The following KLHL29 variants were observed in gnomAD, a reference collection of about 807,000 sequenced individuals.
The protein encoded by KLHL29 is kelch like family member 29, also known as kelch-like protein 29.
KLHL29 carries 21 observed loss-of-function variants against 80.4 expected under a neutral mutation model. That is an observed-to-expected ratio of 0.26 (90% CI 0.19 to 0.38). The LOEUF is 0.38. Ranked by LOEUF, KLHL29 falls within the 10% of genes least tolerant of loss-of-function variation. KLHL29 has a pLI of 1.00. For synonymous variants in KLHL29, 511 were observed against 526.8 expected (o/e 0.97, Z 0.41); for missense variants, 867 against 1,223.9 (o/e 0.71, Z 4.35).
intron 3 of KLHL29, among the ~76,000 whole-genome samples, chr2:23,602,287 GC>G (rs1668592336): frequency 6.6e-6 from 1 of 152,150 alleles, no homozygotes; most frequent in Admixed American, 6.5e-5. Flanking sequence ...GCACCCCCCT[GC>G]CCCAGGGCCT....
At chr2:23,703,645 G>T (rs1672530938) in intron 12 of KLHL29, 74 bp from the exon 13 acceptor site, 2 of 1,450,970 alleles carry the variant, frequency 1.4e-6, no homozygotes, top group Admixed American at 2.4e-5. Context: ...TCCCTGGAGG[G>T]TCTTCTGGGA....
rs921457729 is a variant in KLHL29 at position 23,707,697 on chromosome 2, A to T, written c.*1033A>T. Reference sequence around the variant, plus strand: ...TCAAGCTGAGGACCAGGCCAGTGGGAAGGGAAGGAGGGAGAATTAGCGTCT... The same window carrying T: ...TCAAGCTGAGGACCAGGCCAGTGGGTAGGGAAGGAGGGAGAATTAGCGTCT... On this transcript the variant is annotated 3_prime_UTR_variant, in exon 14 of 14. Coordinates refer to ENST00000486442, the MANE Select transcript of KLHL29 (RefSeq NM_052920.2). The T allele has an allele frequency of 2.6e-5, 4 of 152,248 alleles. No homozygotes were observed. The highest frequency in any genetic ancestry group is 7.2e-5 in the African/African-American group (3 of 41,432). The allele number at this position is 152,248 out of a possible 1,614,324, so 9.4% of individuals were successfully genotyped here. A position where few individuals can be genotyped will look rare whatever the true frequency, so the allele number is the denominator to read the frequency against.
At chr2:23,498,878 G>A (rs959475573) in intron 2 of KLHL29, among the ~76,000 whole-genome samples, 2 of 152,228 alleles carry the variant, frequency 1.3e-5, no homozygotes, top group African/African-American at 2.4e-5. Context: ...AAGACTGGGC[G>A]ACCTGTCACT....
In KLHL29 at chr2:23,503,381, A is replaced by G. The variant is rs575588236; in HGVS notation, c.-46+27714A>G. On this transcript the variant is annotated intron_variant, in intron 2 of 13. Coordinates refer to ENST00000486442, the MANE Select transcript of KLHL29 (RefSeq NM_052920.2). This position sits in a 1 kb window ranked among gnomAD's most constrained non-coding sequence, Gnocchi z 4.0. ...TTGTAGCCTGACCTTCCATGGCTCT[A>G]TAATTCTCTTTGTTATCTTTGGCCA... 6.6e-6 allele frequency among the ~76,000 whole-genome samples: 1 copy of G among 152,236 alleles called. No homozygotes were observed. Among genetic ancestry groups the G allele is most frequent in the Non-Finnish European group, 1.5e-5 (1 of 68,042 alleles).
intron 5 of KLHL29, among the ~76,000 whole-genome samples, chr2:23,676,246 G>A (rs527612070): frequency 9.1e-4 from 139 of 152,102 alleles, no homozygotes; most frequent in East Asian, 4.8e-3. Context: ...GCAGTGGCGC[G>A]ATCTCAGCTC....
chr2:23,399,211 C>T (rs1666529574), intron 1 of KLHL29, among the ~76,000 whole-genome samples: 1 of 152,232 alleles, frequency 6.6e-6, no homozygotes. Flanking sequence ...ATCCTAGAAT[C>T]TTTGTGCTGT....
chr2:23,532,462 A>G (rs554218102), intron 2 of KLHL29: 2 of 420,806 alleles, frequency 4.8e-6, no homozygotes, highest in African/African-American at 2.1e-5. Flanking sequence ...CACCCAGGGC[A>G]GCACCCAGGG....
At chr2:23,498,614 G>C (rs1020342176) in intron 2 of KLHL29, among the ~76,000 whole-genome samples, 1 of 152,230 alleles carries the variant, frequency 6.6e-6, no homozygotes, top group Non-Finnish European at 1.5e-5. Flanking sequence ...GCCTTCGTTA[G>C]GACATTTAGG....
At chr2:23,599,831 G>C (rs1364268643) in intron 3 of KLHL29, among the ~76,000 whole-genome samples, 1 of 152,158 alleles carries the variant, frequency 6.6e-6, no homozygotes, top group Admixed American at 6.5e-5. Flanking sequence ...CCGACGCCAC[G>C]TCCCTCCTCC....
rs1572490942 is a variant in KLHL29 at position 23,680,802 on chromosome 2, A to G, written c.941-3597A>G. Among the ~76,000 whole-genome samples, 2 of 151,884 alleles carry G rather than the reference A, an allele frequency of 1.3e-5. No individual in the cohort carries two copies. Among genetic ancestry groups the G allele is most frequent in the Non-Finnish European group, 2.9e-5 (2 of 67,986 alleles). ...CATCTTCTCCTGGGGTCTCTAGGCC[A>G]TCTTCTCCTGGGGTCTCTAGGCCAT... On this transcript the variant is annotated intron_variant, in intron 5 of 13. Transcript: ENST00000486442. This position sits in a 1 kb window ranked among gnomAD's most constrained non-coding sequence, Gnocchi z 4.1.
rs529874843 is a variant in KLHL29 at position 23,428,345 on chromosome 2, C to T, written c.-154+42565C>T. On this transcript the variant is annotated intron_variant, in intron 1 of 13. Transcript: ENST00000486442. ...GGCCCATTTTCCCCCAGTGATGTTGCGAGGTAGGTGTTTAGGGTCTGGCAT... is the reference window on the plus strand; with the variant it reads ...GGCCCATTTTCCCCCAGTGATGTTGTGAGGTAGGTGTTTAGGGTCTGGCAT... 7.2e-5 allele frequency among the ~76,000 whole-genome samples: 11 copies of T among 152,280 alleles called. No homozygotes were observed. The East Asian group carries it at 1.9e-3, about 27-fold the overall frequency.
At chr2:23,668,714 C>T (rs1469710984) in intron 5 of KLHL29, 3 of 152,238 alleles carry the variant, frequency 2.0e-5, no homozygotes, top group Non-Finnish European at 2.9e-5. Context: ...AGCCCCAGAG[C>T]TTGGTTTGCA....
At chr2:23,587,902 G>T (rs543577033) in intron 3 of KLHL29, among the ~76,000 whole-genome samples, 1 of 152,328 alleles carries the variant, frequency 6.6e-6, no homozygotes, top group East Asian at 1.9e-4. Flanking sequence ...TAATTTAGAG[G>T]CTAGGGAAGG....
At chr2:23,654,123 C>T (rs1224203454) in intron 5 of KLHL29, among the ~76,000 whole-genome samples, 1 of 151,994 alleles carries the variant, frequency 6.6e-6, no homozygotes, top group Non-Finnish European at 1.5e-5. Context: ...GCCAAGATCG[C>T]ACCACTGCAC....
chr2:23,421,269 G>A (rs1434706287), intron 1 of KLHL29, among the ~76,000 whole-genome samples: 2 of 152,230 alleles, frequency 1.3e-5, no homozygotes, highest in African/African-American at 4.8e-5. Flanking sequence ...GGCCTGGATT[G>A]TAGTGATCTG....
intron 1 of KLHL29, among the ~76,000 whole-genome samples, chr2:23,395,571 C>A (rs938174744): frequency 5.9e-5 from 9 of 152,016 alleles, no homozygotes; most frequent in African/African-American, 2.2e-4. Context: ...ATGGTGAAAC[C>A]CGGTCTCTAC....
chr2:23,677,834 A>G (rs1184431765), intron 5 of KLHL29, among the ~76,000 whole-genome samples: 1 of 152,160 alleles, frequency 6.6e-6, no homozygotes, highest in Admixed American at 6.5e-5. Flanking sequence ...AGTATATTTC[A>G]CAACTGCTCT....
intron 3 of KLHL29, among the ~76,000 whole-genome samples, chr2:23,581,086 G>A (rs367657861): frequency 6.4e-5 from 9 of 140,378 alleles, no homozygotes; most frequent in Middle Eastern, 3.5e-3. Context: ...ATTCCTGGAG[G>A]CTTATTTTTT....
intron 1 of KLHL29, among the ~76,000 whole-genome samples, chr2:23,435,899 C>CTTTT (rs769975340): frequency 7.4e-6 from 1 of 135,440 alleles, no homozygotes. Flanking sequence ...CTCTCTCTCT[C>CTTTT]TTTTTTTTTT....
Sources: gnomAD v4.1 joint callset for allele counts (sites outside exome capture counted in the v4.1 genomes callset) on GRCh38, gnomAD v4.1.1 for gene constraint, Gnocchi (gnomAD v3.1) non-coding constraint, MANE v1.5 for transcripts, NCBI Gene and HGNC (gene_info 2026-07-23, HGNC 2026-07-21) for gene names.